Variants in CDH19 observed in about 807,000 individuals in gnomAD.
CDH19 encodes the protein cadherin 19.
In CDH19, 67 loss-of-function variants were observed where a neutral mutation model predicts 64.2. That is an observed-to-expected ratio of 1.04 (90% CI 0.86 to 1.28). The LOEUF (loss-of-function observed/expected upper bound fraction) is 1.28. Ranked by LOEUF, CDH19 falls within the 50% of genes most tolerant of loss-of-function variation. The pLI is 0.00. For synonymous variants in CDH19, 346 were observed against 319.3 expected (o/e 1.08, Z -0.89); for missense variants, 1,030 against 929.0 (o/e 1.11, Z -1.41).
At chr18:66,505,607 A>G (rs1241195618) in intron 11 of CDH19, among the ~76,000 whole-genome samples, 2 of 144,652 alleles carry the variant, frequency 1.4e-5, no homozygotes, top group Admixed American at 7.0e-5. Context: ...ATATTAGATG[A>G]TGAACAATTT....
intron 7 of CDH19, among the ~76,000 whole-genome samples, chr18:66,537,804 T>C (rs993236889): frequency 2.0e-5 from 3 of 151,798 alleles, no homozygotes; most frequent in Non-Finnish European, 4.4e-5. Context: ...GCTTCTTGAG[T>C]TTCATTGTTT....
chr18:66,572,564 A>G (rs560728021), intron 1 of CDH19, among the ~76,000 whole-genome samples: 2 of 151,862 alleles, frequency 1.3e-5, no homozygotes, highest in Non-Finnish European at 2.9e-5. Flanking sequence ...GAAAGTTGAA[A>G]GATTGCTCTG....
chr18:66,592,951 T>C, intron 1 of CDH19, among the ~76,000 whole-genome samples: 1 of 151,856 alleles, frequency 6.6e-6, no homozygotes, highest in East Asian at 1.9e-4. Flanking sequence ...TTCTATCTAG[T>C]TCTATTTTTA....
At chr18:66,586,042 T>C (rs367590000) in intron 1 of CDH19, among the ~76,000 whole-genome samples, 6 of 152,112 alleles carry the variant, frequency 3.9e-5, no homozygotes, top group East Asian at 1.9e-4. Flanking sequence ...TATGACCTCT[T>C]CTTGGTTACA....
intron 5 of CDH19, among the ~76,000 whole-genome samples, chr18:66,545,124 G>T (rs1031759409): frequency 6.6e-6 from 1 of 151,714 alleles, no homozygotes; most frequent in Non-Finnish European, 1.5e-5. Flanking sequence ...GTCTACAAGC[G>T]CCCACCACCA....
rs73539795 is a variant in CDH19 at position 66,558,722 on chromosome 18, T to A, written c.491-4198A>T. 9.1e-3 allele frequency among the ~76,000 whole-genome samples: 1,385 copies of A among 152,202 alleles called. 17 individuals carry two copies. Among genetic ancestry groups the A allele is most frequent in the African/African-American group, 0.031 (1,279 of 41,564 alleles). ...ATTGAAAATATTACTATGAAACCAA[T>A]AAAGTGTCTTTCAGTGGAAATGATC... On this transcript the variant is annotated intron_variant, in intron 3 of 11. Coordinates refer to ENST00000262150, the MANE Select transcript of CDH19 (RefSeq NM_021153.4).
chr18:66,569,853 C>T (rs1478378399), intron 2 of CDH19, among the ~76,000 whole-genome samples: 1 of 151,588 alleles, frequency 6.6e-6, no homozygotes, highest in Admixed American at 6.6e-5. Flanking sequence ...CAGTTGTAAA[C>T]AAATTCATGA....
chr18:66,515,756 C>A (rs1025325167), intron 9 of CDH19, among the ~76,000 whole-genome samples: 1 of 151,738 alleles, frequency 6.6e-6, no homozygotes, highest in Non-Finnish European at 1.5e-5. Flanking sequence ...TCCAAATATA[C>A]TTTTAAAATT....
At chr18:66,559,231 T>TA (rs777269597) in intron 3 of CDH19, among the ~76,000 whole-genome samples, 44 of 151,356 alleles carry the variant, frequency 2.9e-4, no homozygotes, top group African/African-American at 8.5e-4. Context: ...AGGAGAAAAA[T>TA]AAAAAAAACA....
intron 9 of CDH19, among the ~76,000 whole-genome samples, chr18:66,516,969 C>T (rs1223184928): frequency 6.6e-6 from 1 of 151,988 alleles, no homozygotes. Context: ...GTCCATATGT[C>T]TTTTTTTCTT....
rs1488048345 is a variant in CDH19 at position 66,547,768 on chromosome 18, C to T, written c.776-2865G>A. 7.0e-4 allele frequency among the ~76,000 whole-genome samples: 95 copies of T among 136,272 alleles called. 1 individual carries two copies. The highest frequency in any genetic ancestry group is 1.3e-3 in the Non-Finnish European group (86 of 64,894). The allele number at this position is 136,272 out of a possible 152,430, so 89.4% of individuals were successfully genotyped here. On this transcript the variant is annotated intron_variant, in intron 5 of 11. Coordinates refer to ENST00000262150, the MANE Select transcript of CDH19 (RefSeq NM_021153.4). ...CTGCAAGCTCCGCCTCCCGGGTTCA[C>T]GCCATTCTCCTGCCTCAGCCTCCCA...
chr18:66,595,748 G>A (rs994638953), intron 1 of CDH19, among the ~76,000 whole-genome samples: 22 of 151,954 alleles, frequency 1.4e-4, no homozygotes, highest in African/African-American at 4.6e-4. Context: ...TAAAGAAGAC[G>A]GGGTATCAAT....
chr18:66,568,790 T>G (rs918016098), intron 2 of CDH19, 80 bp from the exon 3 acceptor site: 109 of 1,119,098 alleles, frequency 9.7e-5, no homozygotes, highest in Non-Finnish European at 1.3e-4. Flanking sequence ...TTTTTATGTA[T>G]GTTAATTATT....
intron 1 of CDH19, among the ~76,000 whole-genome samples, chr18:66,587,757 A>G (rs957956955): frequency 1.3e-5 from 2 of 152,062 alleles, no homozygotes; most frequent in Admixed American, 6.6e-5. Flanking sequence ...ACTTGGATAC[A>G]CTTCCCCCAC....
At chr18:66,543,942 T>TA (rs747148952) in intron 7 of CDH19, 29 bp downstream of exon 7, 53 of 1,507,668 alleles carry the variant, frequency 3.5e-5, no homozygotes, top group Non-Finnish European at 4.7e-5. Context: ...TACTTATTTA[T>TA]TAATGCAAAA....
At chr18:66,596,166 A>G (rs942887440) in intron 1 of CDH19, 1 of 152,150 alleles carries the variant, frequency 6.6e-6, no homozygotes. Flanking sequence ...TACCTGAAAT[A>G]TAATAAGAGC....
At chr18:66,561,602 G>A (rs1987725706) in intron 3 of CDH19, among the ~76,000 whole-genome samples, 2 of 152,016 alleles carry the variant, frequency 1.3e-5, no homozygotes, top group Admixed American at 1.3e-4. Flanking sequence ...CTTTTTGGGG[G>A]ACCGAAGGGT....
intron 8 of CDH19, among the ~76,000 whole-genome samples, chr18:66,530,903 C>T (rs933169148): frequency 6.6e-6 from 1 of 152,078 alleles, no homozygotes; most frequent in African/African-American, 2.4e-5. Flanking sequence ...TGTCAATGTG[C>T]CCTGGTTGAA....
chr18:66,510,324 T>A (rs893500719), intron 10 of CDH19, among the ~76,000 whole-genome samples: 6 of 151,152 alleles, frequency 4.0e-5, no homozygotes, highest in African/African-American at 1.5e-4. Flanking sequence ...TAAATATGCG[T>A]TTTATTAAAT....
Sources: allele counts gnomAD v4.1 joint callset (sites outside exome capture counted in the v4.1 genomes callset), GRCh38; gene constraint gnomAD v4.1.1; transcripts MANE v1.5; gene names NCBI Gene and HGNC (gene_info 2026-07-23, HGNC 2026-07-21).